The following VKORC1L1 variants were observed in gnomAD, a reference collection of about 807,000 sequenced individuals.
VKORC1L1 encodes the protein vitamin K epoxide reductase complex subunit 1-like protein 1.
A neutral mutation model predicts 18.9 loss-of-function variants in VKORC1L1; 2 were observed. The ratio of observed to expected loss-of-function variants is 0.11; its 90% CI spans 0.04 to 0.33. The LOEUF (loss-of-function observed/expected upper bound fraction) is 0.33, where lower values mean the gene tolerates loss of function less well. VKORC1L1 is among the 10% of genes least tolerant of loss of function. The pLI is 1.00. For synonymous variants in VKORC1L1, 96 were observed against 100.0 expected (o/e 0.96, Z 0.24); for missense variants, 123 against 224.1 (o/e 0.55, Z 2.88).
intron 1 of VKORC1L1, among the ~76,000 whole-genome samples, chr7:65,912,565 T>G (rs1372666897): frequency 2.0e-5 from 3 of 152,214 alleles, no homozygotes; most frequent in Non-Finnish European, 2.9e-5. Context: ...AGGCAGTATG[T>G]TCCTCAACAG....
At chr7:65,952,657 A>G (rs1790230266) in intron 2 of VKORC1L1, among the ~76,000 whole-genome samples, 1 of 152,038 alleles carries the variant, frequency 6.6e-6, no homozygotes, top group Non-Finnish European at 1.5e-5. Flanking sequence ...GGGTAGTTTA[A>G]CATGCTCTGC....
intron 1 of VKORC1L1, among the ~76,000 whole-genome samples, chr7:65,921,186 G>A (rs1789669341): frequency 6.6e-6 from 1 of 152,140 alleles, no homozygotes; most frequent in African/African-American, 2.4e-5. Flanking sequence ...TACAGGTGTT[G>A]ATAGTAGTAT....
intron 1 of VKORC1L1, among the ~76,000 whole-genome samples, chr7:65,877,207 A>G: frequency 6.6e-6 from 1 of 152,222 alleles, no homozygotes; most frequent in African/African-American, 2.4e-5. Flanking sequence ...GCCTTTAAGT[A>G]TAAGTTTCTT....
At chr7:65,915,073 ATTTTTTTTCTT>A (rs1423853026) in intron 1 of VKORC1L1, among the ~76,000 whole-genome samples, 7 of 124,298 alleles carry the variant, frequency 5.6e-5, no homozygotes, top group Non-Finnish European at 7.0e-5. Context: ...TTGTGAGCTT[ATTTTTTTTCTT>A]TTTTTTTTCT....
intron 1 of VKORC1L1, among the ~76,000 whole-genome samples, chr7:65,881,355 CAAG>C (rs1788924669): frequency 6.6e-6 from 1 of 152,122 alleles, no homozygotes; most frequent in Admixed American, 6.5e-5. Flanking sequence ...CAGGTTATCT[CAAG>C]AGAGTTAATA....
intron 1 of VKORC1L1, among the ~76,000 whole-genome samples, chr7:65,909,932 G>C (rs1295550044): frequency 1.3e-5 from 2 of 151,902 alleles, no homozygotes; most frequent in Non-Finnish European, 2.9e-5. Context: ...TGGCCAGGCT[G>C]GTCTTGAACT....
At chr7:65,871,945 C>T (rs1358377310), upstream of VKORC1L1, among the ~76,000 whole-genome samples, 1 of 152,208 alleles carries the variant, frequency 6.6e-6, no homozygotes, top group Non-Finnish European at 1.5e-5. Flanking sequence ...ATAACGAATA[C>T]AAGGATATTG....
In VKORC1L1 at chr7:65,873,287, CGGCGGT is replaced by C; in HGVS notation, c.-79_-74del. Reference sequence around the variant, plus strand: ...GCGGCGGCGGCGGAGGCGGCGGTGGCGGCGGTGGCGGCTGGGTCGGGCCCCGACGGG... The same window carrying C: ...GCGGCGGCGGCGGAGGCGGCGGTGGCGGCGGCTGGGTCGGGCCCCGACGGG... On this transcript the variant is annotated 5_prime_UTR_variant, in exon 1 of 3. Coordinates refer to ENST00000360768, the MANE Select transcript of VKORC1L1 (RefSeq NM_173517.6). 10 of 1,021,262 alleles carry C rather than the reference CGGCGGT, an allele frequency of 9.8e-6. No individual in the cohort carries two copies. The highest frequency in any genetic ancestry group is 9.3e-6 in the Non-Finnish European group (8 of 856,300). The allele number at this position is 1,021,262 out of a possible 1,614,324, so 63.3% of individuals were successfully genotyped here.
intron 1 of VKORC1L1, among the ~76,000 whole-genome samples, chr7:65,895,512 T>TACACACACAC (rs1439632666): frequency 1.4e-5 from 1 of 73,868 alleles, no homozygotes; most frequent in Non-Finnish European, 2.8e-5. Context: ...TATATATATA[T>TACACACACAC]ATATACACAC....
At chr7:65,882,217 T>C (rs1248619477) in intron 1 of VKORC1L1, among the ~76,000 whole-genome samples, 1 of 151,580 alleles carries the variant, frequency 6.6e-6, no homozygotes, top group Non-Finnish European at 1.5e-5. Flanking sequence ...CCATCTCTAC[T>C]AAAAATACAA....
In VKORC1L1 at chr7:65,873,496, G is replaced by A. The variant is rs756211594; in HGVS notation, c.125G>A (p.Arg42Gln). 8.2e-6 allele frequency: 13 copies of A among 1,594,304 alleles called. No individual in the cohort carries two copies. In the South Asian group the frequency reaches 1.4e-4, roughly 18 times the overall value. ...YAYHVEREKE[R>Q]DPEHRALCDL... ...TACCACGTGGAGCGGGAGAAGGAGC[G>A]GGACCCCGAGCACCGGGCCCTCTGC... The change falls in exon 1 of 3, where the codon CGG (arginine) becomes CAG (glutamine). Residue 42 changes from arginine to glutamine, a missense_variant. Arg to Gln is a conservative substitution (Grantham distance 43). Coordinates refer to ENST00000360768, the MANE Select transcript of VKORC1L1 (RefSeq NM_173517.6).
chr7:65,941,554 A>G (rs146990870), intron 1 of VKORC1L1, among the ~76,000 whole-genome samples: 2 of 152,054 alleles, frequency 1.3e-5, no homozygotes, highest in African/African-American at 2.4e-5. Flanking sequence ...TGATGTTAAT[A>G]TAATATTTTT....
chr7:65,946,909 A>G (rs1296798738), intron 1 of VKORC1L1, among the ~76,000 whole-genome samples: 3 of 152,222 alleles, frequency 2.0e-5, no homozygotes, highest in South Asian at 4.1e-4. Context: ...CCAAGGTGGG[A>G]GGATTGCTTG....
chr7:65,934,818 G>T (rs1789914040), intron 1 of VKORC1L1, among the ~76,000 whole-genome samples: 1 of 152,036 alleles, frequency 6.6e-6, no homozygotes, highest in East Asian at 1.9e-4. Context: ...ATTTTAGGAG[G>T]CCAAGGCGGG....
chr7:65,878,079 C>A (rs760498542), intron 1 of VKORC1L1, among the ~76,000 whole-genome samples: 21 of 152,134 alleles, frequency 1.4e-4, no homozygotes, highest in African/African-American at 1.9e-4. Flanking sequence ...CGGATTACTA[C>A]CTCTCCCATA....
the VKORC1L1 span, among the ~76,000 whole-genome samples, chr7:65,865,826 A>G: frequency 6.6e-6 from 1 of 151,992 alleles, no homozygotes; most frequent in East Asian, 1.9e-4. Flanking sequence ...ATTATTTTTG[A>G]ATAATTTATT....
intron 1 of VKORC1L1, among the ~76,000 whole-genome samples, chr7:65,874,699 G>A (rs1440693714): frequency 7.2e-5 from 11 of 152,100 alleles, no homozygotes; most frequent in Admixed American, 2.6e-4. Context: ...CCAGCTACTC[G>A]GGAGGCTGAG....
Position 65,873,310 on chromosome 7 carries a change from C to T in VKORC1L1, c.-62C>T, listed in dbSNP as rs1398266951. 2 of 1,258,860 alleles carry T rather than the reference C, an allele frequency of 1.6e-6. No individual in the cohort carries two copies. Among genetic ancestry groups the T allele is most frequent in the African/African-American group, 1.6e-5 (1 of 60,708 alleles). 78.0% of individuals were successfully genotyped at this position (1,258,860 alleles called of 1,614,324 possible). A position where few individuals can be genotyped will look rare whatever the true frequency, so the allele number is the denominator to read the frequency against. On this transcript the variant is annotated 5_prime_UTR_variant, in exon 1 of 3. Transcript: ENST00000360768. ...GGCGGCGGTGGCGGCTGGGTCGGGC[C>T]CCGACGGGCGGCGGCGGCTGAGGTG...
chr7:65,908,408 A>C (rs1241334723), intron 1 of VKORC1L1, among the ~76,000 whole-genome samples: 1 of 152,110 alleles, frequency 6.6e-6, no homozygotes, highest in African/African-American at 2.4e-5. Flanking sequence ...GCAAGACTCC[A>C]TCTCAAAAGA....
Sources: gnomAD v4.1 joint callset for allele counts (sites outside exome capture counted in the v4.1 genomes callset) on GRCh38, gnomAD v4.1.1 for gene constraint, MANE v1.5 for transcripts, NCBI Gene and HGNC (gene_info 2026-07-23, HGNC 2026-07-21) for gene names.